The following LDLRAD4 variants were observed in gnomAD, a reference collection of about 807,000 sequenced individuals.
LDLRAD4 encodes low density lipoprotein receptor class A domain containing 4.
In LDLRAD4, 5 loss-of-function variants were observed where a neutral mutation model predicts 17.0. The observed-to-expected ratio is 0.29, with a 90% CI of 0.15 to 0.62. The LOEUF is 0.62. Ranked by LOEUF, LDLRAD4 falls within the 20% of genes least tolerant of loss-of-function variation. LDLRAD4 has a pLI of 0.84. For missense variants in LDLRAD4, 340 were observed against 424.7 expected (o/e 0.80, Z 1.75); for synonymous variants, 168 against 171.8 (o/e 0.98, Z 0.17).
chr18:13,545,568 T>A (rs1467796582), intron 3 of LDLRAD4, among the ~76,000 whole-genome samples: 1 of 152,144 alleles, frequency 6.6e-6, no homozygotes, highest in East Asian at 1.9e-4. Flanking sequence ...AGTCCTGTGC[T>A]GAGGCCAGCA....
chr18:13,563,091 G>A (rs1020751364), intron 3 of LDLRAD4: 33 of 152,176 alleles, frequency 2.2e-4, no homozygotes, highest in African/African-American at 8.0e-4. Context: ...AGACCTGATG[G>A]TTTACCAAAG....
chr18:13,265,522 C>T (rs185149704), intron 1 of LDLRAD4, among the ~76,000 whole-genome samples: 12 of 152,344 alleles, frequency 7.9e-5, no homozygotes, highest in Admixed American at 7.2e-4. Context: ...TTTGTCAAAA[C>T]GTGTGACAGG....
rs750075146 is a variant in LDLRAD4, at chr18:13,645,102, C to T, written c.391-25C>T. ...GTCATCATTGCGCTCAAACTGTCTTCAAGCCTCTCCTCTTTTCCTTCCAGA... is the reference window on the plus strand; with the variant it reads ...GTCATCATTGCGCTCAAACTGTCTTTAAGCCTCTCCTCTTTTCCTTCCAGA... On this transcript the variant is annotated intron_variant, in intron 5 of 5. Coordinates refer to ENST00000359446, the Ensembl canonical transcript of LDLRAD4. The surrounding 1 kb of genome is among the most constrained non-coding windows in gnomAD (Gnocchi z 5.7). 6.3e-7 allele frequency: 1 copy of T among 1,578,238 alleles called. No individual in the cohort carries two copies. Among genetic ancestry groups the T allele is most frequent in the African/African-American group, 1.3e-5 (1 of 74,422 alleles).
intron 2 of LDLRAD4, among the ~76,000 whole-genome samples, chr18:13,421,708 C>T (rs1018744917): frequency 7.9e-5 from 12 of 152,210 alleles, no homozygotes; most frequent in African/African-American, 2.4e-4. Flanking sequence ...CCCCACCCAC[C>T]GCCCTGTTGT....
intron 3 of LDLRAD4, among the ~76,000 whole-genome samples, chr18:13,574,006 A>C (rs1377823966): frequency 6.6e-6 from 1 of 152,164 alleles, no homozygotes; most frequent in Non-Finnish European, 1.5e-5. Flanking sequence ...TGTGGGCTTC[A>C]TGCATAGCGA....
At chr18:13,635,260 G>A (rs1211612125) in intron 4 of LDLRAD4, among the ~76,000 whole-genome samples, 2 of 152,158 alleles carry the variant, frequency 1.3e-5, no homozygotes, top group African/African-American at 4.8e-5. Context: ...ACTCTTCCCG[G>A]TGGCAAACTG....
intron 4 of LDLRAD4, among the ~76,000 whole-genome samples, chr18:13,625,297 C>G (rs1356439390): frequency 6.6e-6 from 1 of 152,162 alleles, no homozygotes; most frequent in South Asian, 2.1e-4. Flanking sequence ...CTTACTGTTA[C>G]GTCTTTCTGC....
chr18:13,616,262 G>C (rs111625522), intron 3 of LDLRAD4: 67,112 of 150,666 alleles, frequency 0.45, 17,149 homozygotes, highest in Middle Eastern at 0.68. Flanking sequence ...GGGGGGGGGG[G>C]GGTTGCCACA....
intron 3 of LDLRAD4, among the ~76,000 whole-genome samples, chr18:13,572,709 G>A (rs536013408): frequency 3.9e-5 from 6 of 152,132 alleles, no homozygotes; most frequent in Non-Finnish European, 7.3e-5. Context: ...TAGTTAAATT[G>A]GGGCTTCCGA....
intron 1 of LDLRAD4, among the ~76,000 whole-genome samples, chr18:13,380,284 C>T (rs1369887777): frequency 1.3e-5 from 2 of 152,224 alleles, no homozygotes; most frequent in Non-Finnish European, 2.9e-5. Flanking sequence ...TTCCCTGATT[C>T]CCAGCGAGCG....
Position 13,645,411 on chromosome 18 carries a change from C to T in LDLRAD4, c.675C>T (p.Ser225=), listed in dbSNP as rs752045055. 15 of 1,613,992 alleles carry T rather than the reference C, an allele frequency of 9.3e-6. No homozygotes were observed. Among genetic ancestry groups the T allele is most frequent in the Admixed American group, 3.3e-5 (2 of 59,996 alleles). The stretch of plus-strand genomic sequence containing the variant: ...ATTTAATAGACATTGCTATGTATAG[C>T]GGGGGTCCATGCCCACCCAGCAGCA... The change falls in exon 6 of 6, where the codon AGC becomes AGT. Residue 225 remains serine (S), a synonymous_variant. Transcript: ENST00000359446. This position sits in a 1 kb window ranked among gnomAD's most constrained non-coding sequence, Gnocchi z 5.7.
chr18:13,516,722 C>G (rs2093873107), intron 3 of LDLRAD4, among the ~76,000 whole-genome samples: 1 of 152,086 alleles, frequency 6.6e-6, no homozygotes, highest in South Asian at 2.1e-4. Flanking sequence ...GGTTTGTTAC[C>G]CTGGATAATG....
intron 1 of LDLRAD4, among the ~76,000 whole-genome samples, chr18:13,321,591 C>T (rs560671686): frequency 3.9e-5 from 6 of 152,060 alleles, no homozygotes; most frequent in South Asian, 4.1e-4. Flanking sequence ...CAAGGCTGGG[C>T]GTGGTGACTC....
chr18:13,469,376 C>T (rs559290966), intron 3 of LDLRAD4, among the ~76,000 whole-genome samples: 2 of 152,344 alleles, frequency 1.3e-5, no homozygotes, highest in South Asian at 2.1e-4. Flanking sequence ...AACAATTCCA[C>T]TCCCAGGTGT....
chr18:13,315,682 G>C (rs1405793598), intron 1 of LDLRAD4, among the ~76,000 whole-genome samples: 2 of 151,336 alleles, frequency 1.3e-5, no homozygotes, highest in Non-Finnish European at 2.9e-5. Context: ...TACTTGGGAG[G>C]CTGAGGCAGG....
At chr18:13,279,384 G>T (rs754402746) in intron 1 of LDLRAD4, 5 of 152,196 alleles carry the variant, frequency 3.3e-5, no homozygotes, top group Non-Finnish European at 7.3e-5. Context: ...CGGCGGCAGC[G>T]CCTCTCTACC....
chr18:13,312,272 T>C (rs2047281786), intron 1 of LDLRAD4, among the ~76,000 whole-genome samples: 1 of 152,220 alleles, frequency 6.6e-6, no homozygotes, highest in African/African-American at 2.4e-5. Flanking sequence ...AAGGTGTATG[T>C]GAAACATAAA....
At chr18:13,376,724 G>C (rs79778800) in intron 1 of LDLRAD4, among the ~76,000 whole-genome samples, 214 of 152,312 alleles carry the variant, frequency 1.4e-3, no homozygotes, top group African/African-American at 5.0e-3. Context: ...TGTCTTCCAG[G>C]AGGGCACGTA....
At chr18:13,437,461 G>A (rs976337163) in intron 2 of LDLRAD4, among the ~76,000 whole-genome samples, 3 of 152,212 alleles carry the variant, frequency 2.0e-5, no homozygotes, top group Non-Finnish European at 4.4e-5. Flanking sequence ...GGATAGTAAT[G>A]TGTTAAGTGT....
Sources: allele counts gnomAD v4.1 joint callset (sites outside exome capture counted in the v4.1 genomes callset), GRCh38; gene constraint gnomAD v4.1.1; non-coding constraint Gnocchi (gnomAD v3.1); transcripts MANE v1.5; gene names NCBI Gene and HGNC (gene_info 2026-07-23, HGNC 2026-07-21).